The following RAB3IP variants were observed in gnomAD, a reference collection of about 807,000 sequenced individuals.
RAB3IP encodes RAB3A interacting protein.
A neutral mutation model predicts 59.1 loss-of-function variants in RAB3IP; 36 were observed. The ratio of observed to expected loss-of-function variants is 0.61; its 90% CI spans 0.47 to 0.80. The LOEUF (loss-of-function observed/expected upper bound fraction) is 0.80. Ranked by LOEUF, RAB3IP falls within the 30% of genes least tolerant of loss-of-function variation. The pLI is 0.00. For synonymous variants in RAB3IP, 207 were observed against 191.2 expected, an observed-to-expected ratio of 1.08 and a Z score of -0.68; for missense variants, 511 against 536.0, an observed-to-expected ratio of 0.95 and a Z score of 0.46.
chr12:69,789,670 G>A (rs1164537501), intron 4 of RAB3IP, among the ~76,000 whole-genome samples: 1 of 152,064 alleles, frequency 6.6e-6, no homozygotes, highest in Non-Finnish European at 1.5e-5. Flanking sequence ...ATGGACATAG[G>A]TGCAGAAGCT....
At chr12:69,787,920 C>T (rs1475600509) in intron 4 of RAB3IP, among the ~76,000 whole-genome samples, 1 of 152,030 alleles carries the variant, frequency 6.6e-6, no homozygotes, top group Non-Finnish European at 1.5e-5. Context: ...AATGTGTTAA[C>T]ATACATTGTA....
At chr12:69,797,826 A>T (rs1370928236) in intron 6 of RAB3IP, among the ~76,000 whole-genome samples, 1 of 151,992 alleles carries the variant, frequency 6.6e-6, no homozygotes, top group Non-Finnish European at 1.5e-5. Flanking sequence ...TTCCAGTTTC[A>T]TCCATGTCCC....
At chr12:69,809,679 C>A (rs1212555885) in intron 8 of RAB3IP, among the ~76,000 whole-genome samples, 1 of 152,186 alleles carries the variant, frequency 6.6e-6, no homozygotes, top group African/African-American at 2.4e-5. Flanking sequence ...CCCTTTCTTC[C>A]AGTTGATTGC....
chr12:69,799,784 C>T (rs1878087907), intron 6 of RAB3IP, among the ~76,000 whole-genome samples: 1 of 151,936 alleles, frequency 6.6e-6, no homozygotes, highest in Non-Finnish European at 1.5e-5. Context: ...TCCAAATTAC[C>T]TTTTTATTGT....
chr12:69,819,464 G>A lies in RAB3IP; in HGVS notation c.*4018G>A, dbSNP rs1881475162. On this transcript the variant is annotated 3_prime_UTR_variant, in exon 11 of 11. Coordinates refer to ENST00000247833, the MANE Select transcript of RAB3IP (RefSeq NM_022456.5). ...GGATGTACAAATCTAAATTCAGTAAGGTCAGTCCAGGAGAAAATTTGGGGA... is the reference window on the plus strand; with the variant it reads ...GGATGTACAAATCTAAATTCAGTAAAGTCAGTCCAGGAGAAAATTTGGGGA... The A allele has an allele frequency of 6.6e-6, 1 of 152,460 alleles. No individual in the cohort carries two copies. 9.4% of individuals were successfully genotyped at this position (152,460 alleles called of 1,614,324 possible). A position where few individuals can be genotyped will look rare whatever the true frequency, so the allele number is the denominator to read the frequency against.
intron 3 of RAB3IP, among the ~76,000 whole-genome samples, chr12:69,764,779 A>G (rs575842656): frequency 6.6e-6 from 1 of 152,256 alleles, no homozygotes; most frequent in African/African-American, 2.4e-5. Context: ...GTCCATGAGC[A>G]TGAAATATTT....
rs1252163305 is a variant in RAB3IP, at chr12:69,795,723, C to A, written c.888+379C>A. 3.7e-5 allele frequency: 11 copies of A among 295,916 alleles called. No homozygotes were observed. In the South Asian group the frequency reaches 1.6e-3, roughly 43 times the overall value. 18.3% of individuals were successfully genotyped at this position (295,916 alleles called of 1,614,324 possible). A position where few individuals can be genotyped will look rare whatever the true frequency, so the allele number is the denominator to read the frequency against. On this transcript the variant is annotated intron_variant, in intron 6 of 10. Coordinates refer to ENST00000247833, the MANE Select transcript of RAB3IP (RefSeq NM_022456.5). The stretch of plus-strand genomic sequence containing the variant: ...AAAATAAGATGATTTTCTTAAAGAT[C>A]AATACATTGCTTTTATTTAAATTCA...
At chr12:69,781,723 C>T (rs1161341644) in intron 3 of RAB3IP, among the ~76,000 whole-genome samples, 1 of 152,110 alleles carries the variant, frequency 6.6e-6, no homozygotes, top group African/African-American at 2.4e-5. Context: ...TCTTTTAGCA[C>T]AAAATGATAT....
intron 1 of RAB3IP, chr12:69,739,810 G>C (rs776153652): frequency 6.2e-7 from 1 of 1,613,618 alleles, no homozygotes; most frequent in South Asian, 1.1e-5. Context: ...GATGATGCTG[G>C]GTGGAAGTCG....
At chr12:69,804,596 G>C (rs534723908) in intron 8 of RAB3IP, among the ~76,000 whole-genome samples, 3 of 152,054 alleles carry the variant, frequency 2.0e-5, no homozygotes, top group East Asian at 3.9e-4. Context: ...ATGGTATTGC[G>C]TAGGTTTTCT....
intron 6 of RAB3IP, among the ~76,000 whole-genome samples, chr12:69,797,435 C>T (rs1222038146): frequency 6.7e-6 from 1 of 149,550 alleles, no homozygotes; most frequent in African/African-American, 2.5e-5. Flanking sequence ...CCTTAGAATA[C>T]CACTTACCTG....
intron 10 of RAB3IP, among the ~76,000 whole-genome samples, chr12:69,814,694 T>G (rs1880927578): frequency 6.6e-6 from 1 of 152,038 alleles, no homozygotes; most frequent in Non-Finnish European, 1.5e-5. Flanking sequence ...TGGTGGAATC[T>G]TCCCTGATTG....
intron 3 of RAB3IP, among the ~76,000 whole-genome samples, chr12:69,767,876 C>G (rs1309198108): frequency 6.6e-6 from 1 of 152,046 alleles, no homozygotes; most frequent in Non-Finnish European, 1.5e-5. Flanking sequence ...GCCTGGAGAT[C>G]TGCCTCAGTG....
In RAB3IP at chr12:69,756,589, C is replaced by G; in HGVS notation, c.436C>G (p.Arg146Gly). ...GAGTACTGATAGTCTGTCTCGTTTACGAAGCCCATCTGTTTTGGAAGTTAG... is the reference window on the plus strand; with the variant it reads ...GAGTACTGATAGTCTGTCTCGTTTAGGAAGCCCATCTGTTTTGGAAGTTAG... ...GLSTDSLSRL[R>G]SPSVLEVREK... is the part of the protein sequence containing the mutation. Residue 146 changes from arginine to glycine, a missense_variant, in exon 3 of 11, where the codon CGA becomes GGA. Coordinates refer to ENST00000247833, the MANE Select transcript of RAB3IP (RefSeq NM_022456.5). The G allele has an allele frequency of 6.2e-7, 1 of 1,613,988 alleles. No homozygotes were observed.
rs1486868054 is a variant in RAB3IP at position 69,817,340 on chromosome 12, A to C, written c.*1894A>C. On this transcript the variant is annotated 3_prime_UTR_variant, in exon 11 of 11. Transcript: ENST00000247833. ...AGGATGACGACTTGATGTAGAAACT[A>C]TATGTGGAATTATAGATTAAAATGT... is the stretch of plus-strand genomic sequence containing the variant. 6.6e-6 allele frequency: 1 copy of C among 152,042 alleles called. No individual in the cohort carries two copies. Among genetic ancestry groups the C allele is most frequent in the Non-Finnish European group, 1.5e-5 (1 of 68,012 alleles). 9.4% of individuals were successfully genotyped at this position (152,042 alleles called of 1,614,324 possible). A position where few individuals can be genotyped will look rare whatever the true frequency, so the allele number is the denominator to read the frequency against.
At chr12:69,808,704 C>A (rs549409321) in intron 8 of RAB3IP, among the ~76,000 whole-genome samples, 12 of 152,086 alleles carry the variant, frequency 7.9e-5, no homozygotes, top group East Asian at 5.8e-4. Context: ...CTGTTTTATC[C>A]GAGACTAGGA....
Position 69,821,065 on chromosome 12 carries a change from C to A in RAB3IP, c.*5619C>A, listed in dbSNP as rs1881690635. The A allele has an allele frequency of 6.6e-6, 1 of 152,060 alleles. No individual in the cohort carries two copies. The highest frequency in any genetic ancestry group is 2.4e-5 in the African/African-American group (1 of 41,392). The allele number at this position is 152,060 out of a possible 1,614,324, so 9.4% of individuals were successfully genotyped here. A position where few individuals can be genotyped will look rare whatever the true frequency, so the allele number is the denominator to read the frequency against. On this transcript the variant is annotated 3_prime_UTR_variant, in exon 11 of 11. Transcript: ENST00000247833. ...GCAGCTTCTCAAGGGAGCACAAGTT[C>A]ACACACAGTTTACTTTTGGAGGAAC...
At position 69,816,176 on chromosome 12, in the gene RAB3IP, AGG is replaced by A. The variant is rs978673328; in HGVS notation, c.*733_*734del. On this transcript the variant is annotated 3_prime_UTR_variant, in exon 11 of 11. Transcript: ENST00000247833. The stretch of plus-strand genomic sequence containing the variant: ...TGTAAATGAGTTTGACGTGTGTCAA[AGG>A]GGTTTAAAGGGGTGTGGATTGAATG... The A allele has an allele frequency of 2.6e-5, 4 of 152,328 alleles. No individual in the cohort carries two copies. The highest frequency in any genetic ancestry group is 9.6e-5 in the African/African-American group (4 of 41,574). 9.4% of individuals were successfully genotyped at this position (152,328 alleles called of 1,614,324 possible).
chr12:69,791,860 T>C (rs184389895), intron 4 of RAB3IP, among the ~76,000 whole-genome samples: 1 of 152,306 alleles, frequency 6.6e-6, no homozygotes, highest in East Asian at 1.9e-4. Flanking sequence ...TTATCTGTGC[T>C]TCCATGTTCA....
Sources: gnomAD v4.1 joint callset for allele counts (sites outside exome capture counted in the v4.1 genomes callset) on GRCh38, gnomAD v4.1.1 for gene constraint, MANE v1.5 for transcripts, NCBI Gene and HGNC (gene_info 2026-07-23, HGNC 2026-07-21) for gene names.